The following XRCC4 variants were observed in gnomAD, a reference collection of about 807,000 sequenced individuals.
XRCC4 encodes DNA repair protein XRCC4.
Under a neutral mutation model 39.1 loss-of-function variants are expected in XRCC4, and 28 were observed. The ratio of observed to expected loss-of-function variants is 0.72; its 90% CI spans 0.53 to 0.98. XRCC4 has a LOEUF of 0.98. Ranked by LOEUF, XRCC4 falls within the 50% of genes least tolerant of loss-of-function variation. The pLI, the probability that XRCC4 is intolerant of heterozygous loss-of-function variation, is 0.00. For missense variants in XRCC4, 350 were observed against 376.4 expected (o/e 0.93, Z 0.58); for synonymous variants, 123 against 126.4 (o/e 0.97, Z 0.18).
intron 6 of XRCC4, among the ~76,000 whole-genome samples, chr5:83,225,074 T>C (rs1752236156): frequency 6.6e-6 from 1 of 152,204 alleles, no homozygotes; most frequent in South Asian, 2.1e-4. Context: ...ACCTCTCTCC[T>C]TCTTGTTAGA....
At chr5:83,152,702 G>T (rs1043141253) in intron 3 of XRCC4, among the ~76,000 whole-genome samples, 4 of 150,986 alleles carry the variant, frequency 2.6e-5, no homozygotes, top group Admixed American at 2.6e-4. Context: ...GAAGGTTTTT[G>T]GAAAGATCTA....
At chr5:83,348,474 A>G (rs879384389) in intron 7 of XRCC4, among the ~76,000 whole-genome samples, 6 of 152,230 alleles carry the variant, frequency 3.9e-5, no homozygotes, top group Admixed American at 3.9e-4. Context: ...GCAATGGCCC[A>G]AGCTGCATGT....
At chr5:83,266,872 T>C (rs755759257) in intron 7 of XRCC4, among the ~76,000 whole-genome samples, 11 of 152,164 alleles carry the variant, frequency 7.2e-5, no homozygotes, top group African/African-American at 2.7e-4. Context: ...CCTGTATAAA[T>C]CACTTCTAGA....
At chr5:83,165,611 T>C (rs1194067239) in intron 3 of XRCC4, among the ~76,000 whole-genome samples, 1 of 152,160 alleles carries the variant, frequency 6.6e-6, no homozygotes, top group Non-Finnish European at 1.5e-5. Context: ...TTATTTTTCC[T>C]GATCCTCTCC....
In XRCC4 at chr5:83,089,076, A is replaced by G. The variant is rs1023370946; in HGVS notation, c.-11+11461A>G. 4.6e-5 allele frequency among the ~76,000 whole-genome samples: 7 copies of G among 152,156 alleles called. 1 individual carries two copies. Among genetic ancestry groups the G allele is most frequent in the Admixed American group, 3.9e-4 (6 of 15,270 alleles). On this transcript the variant is annotated intron_variant, in intron 1 of 7. Transcript: ENST00000396027. ...TGCTGCCTGCTGGAGGTGGTTGCCA[A>G]TTTTGCAGGTAACTAAGTGCTATCA...
Position 83,353,112 on chromosome 5 carries a change from AT to A in XRCC4, c.894-15del, listed in dbSNP as rs1757126693. 6.4e-7 allele frequency: 1 copy of A among 1,553,102 alleles called. No homozygotes were observed. The highest frequency in any genetic ancestry group is 1.2e-5 in the South Asian group (1 of 82,446). Reference sequence around the variant, plus strand: ...AGTTTTTAAAAATAAAACTATTTTGATTTTCTTTTCAGTTCTAGGCCTGATT... The same window carrying A: ...AGTTTTTAAAAATAAAACTATTTTGATTTCTTTTCAGTTCTAGGCCTGATT... On this transcript the variant is annotated intron_variant, in intron 7 of 7. Coordinates refer to ENST00000396027, the MANE Select transcript of XRCC4 (RefSeq NM_003401.5).
At chr5:83,240,126 A>G (rs954532214) in intron 6 of XRCC4, among the ~76,000 whole-genome samples, 1 of 152,134 alleles carries the variant, frequency 6.6e-6, no homozygotes, top group African/African-American at 2.4e-5. Flanking sequence ...GTGAGCCATG[A>G]TCTTGCCACT....
intron 1 of XRCC4, among the ~76,000 whole-genome samples, chr5:83,099,968 A>G (rs72767118): frequency 0.04 from 6,033 of 152,156 alleles, 198 homozygotes; most frequent in South Asian, 0.15. Flanking sequence ...TTCTGTTTCC[A>G]TGGGTGATTC....
chr5:83,134,668 A>C (rs1381925370), intron 3 of XRCC4, among the ~76,000 whole-genome samples: 1 of 152,218 alleles, frequency 6.6e-6, no homozygotes, highest in Non-Finnish European at 1.5e-5. Flanking sequence ...AGGCAACCTG[A>C]GCCAGCAGCA....
At chr5:83,141,915 T>C (rs1219958989) in intron 3 of XRCC4, among the ~76,000 whole-genome samples, 2 of 152,020 alleles carry the variant, frequency 1.3e-5, no homozygotes, top group Non-Finnish European at 2.9e-5. Flanking sequence ...GATTAGAAAA[T>C]AGACCTCTGT....
At chr5:83,273,435 A>G (rs1050377467) in intron 7 of XRCC4, among the ~76,000 whole-genome samples, 2 of 152,102 alleles carry the variant, frequency 1.3e-5, no homozygotes, top group African/African-American at 4.8e-5. Context: ...ATTAGATCCC[A>G]TTCGTTAATT....
At chr5:83,211,101 G>A (rs1751627564) in intron 6 of XRCC4, among the ~76,000 whole-genome samples, 2 of 152,246 alleles carry the variant, frequency 1.3e-5, no homozygotes, top group South Asian at 2.1e-4. Flanking sequence ...AAGCAAATAA[G>A]TACTTCCAAA....
rs1580508814 is a variant in XRCC4, at chr5:83,320,839, T to C, written c.894-32292T>C. ...TTTTTTTTTTTTTTTTGAGACAGAG[T>C]CTCGCTCTGTCACCCAGGCTGTAAT... On this transcript the variant is annotated intron_variant, in intron 7 of 7. Transcript: ENST00000396027. 2.2e-5 allele frequency among the ~76,000 whole-genome samples: 3 copies of C among 139,444 alleles called. No individual in the cohort carries two copies. The South Asian group carries it at 6.9e-4, about 32-fold the overall frequency. The allele number at this position is 139,444 out of a possible 152,430, so 91.5% of individuals were successfully genotyped here.
intron 3 of XRCC4, among the ~76,000 whole-genome samples, chr5:83,155,547 G>A (rs1036364470): frequency 2.0e-5 from 3 of 152,102 alleles, no homozygotes; most frequent in African/African-American, 7.2e-5. Flanking sequence ...GTCCTCAGTG[G>A]ACTTAATTCC....
At chr5:83,188,792 A>G (rs897131917) in intron 3 of XRCC4, among the ~76,000 whole-genome samples, 6 of 152,158 alleles carry the variant, frequency 3.9e-5, no homozygotes, top group African/African-American at 1.4e-4. Context: ...AACCCTTTCA[A>G]CCTCTGTAGA....
At chr5:83,081,902 C>G (rs572033043) in intron 1 of XRCC4, among the ~76,000 whole-genome samples, 4 of 152,292 alleles carry the variant, frequency 2.6e-5, no homozygotes, top group African/African-American at 9.6e-5. Flanking sequence ...GACCGAACTC[C>G]TTTCCTCCCA....
intron 2 of XRCC4, among the ~76,000 whole-genome samples, chr5:83,109,861 T>C (rs1489520670): frequency 6.6e-6 from 1 of 151,908 alleles, no homozygotes; most frequent in African/African-American, 2.4e-5. Context: ...GGAAAATATA[T>C]GCTGTTAATA....
At chr5:83,260,783 A>G (rs1201842821) in intron 7 of XRCC4, among the ~76,000 whole-genome samples, 2 of 152,016 alleles carry the variant, frequency 1.3e-5, no homozygotes, top group African/African-American at 2.4e-5. Context: ...TGTTTATGTT[A>G]TATATTTTCA....
At chr5:83,164,283 A>G (rs1749354655) in intron 3 of XRCC4, among the ~76,000 whole-genome samples, 1 of 152,130 alleles carries the variant, frequency 6.6e-6, no homozygotes, top group South Asian at 2.1e-4. Flanking sequence ...TGAATTTCAA[A>G]CGTTTAAGTT....
Sources: gnomAD v4.1 joint callset for allele counts (sites outside exome capture counted in the v4.1 genomes callset) on GRCh38, gnomAD v4.1.1 for gene constraint, MANE v1.5 for transcripts, NCBI Gene and HGNC (gene_info 2026-07-23, HGNC 2026-07-21) for gene names.